The following AKAP13 variants were observed in gnomAD, a reference collection of about 807,000 sequenced individuals.
The protein encoded by AKAP13 is A-kinase anchoring protein 13.
Under a neutral mutation model 264.5 loss-of-function variants are expected in AKAP13, and 80 were observed. The ratio of observed to expected loss-of-function variants is 0.30; its 90% CI spans 0.25 to 0.36. AKAP13 has a LOEUF of 0.36. Ranked by LOEUF, AKAP13 falls within the 10% of genes least tolerant of loss-of-function variation. The pLI is 1.00. For synonymous variants in AKAP13, 1,380 were observed against 1,250.2 expected (o/e 1.10, Z -2.19); for missense variants, 3,712 against 3,435.2 (o/e 1.08, Z -2.01).
At chr15:85,537,718 T>C (rs145706221) in intron 4 of AKAP13, among the ~76,000 whole-genome samples, 2 of 152,240 alleles carry the variant, frequency 1.3e-5, no homozygotes, top group African/African-American at 4.8e-5. Context: ...TGCAAGAGTT[T>C]GTGCAAAATA....
intron 14 of AKAP13, among the ~76,000 whole-genome samples, chr15:85,680,068 T>G (rs749104293): frequency 1.2e-4 from 18 of 152,220 alleles, no homozygotes; most frequent in Non-Finnish European, 2.5e-4. Flanking sequence ...GTCTTTAATT[T>G]ATTCCACACA....
rs574564608 is a variant in AKAP13 at position 85,523,900 on chromosome 15, G to T, written c.181+2325G>T. Among the ~76,000 whole-genome samples the T allele has an allele frequency of 3.5e-4, 52 of 148,106 alleles. No individual in the cohort carries two copies. The East Asian group carries it at 9.2e-3, about 26-fold the overall frequency. On this transcript the variant is annotated intron_variant, in intron 3 of 36. Coordinates refer to ENST00000394518, the MANE Select transcript of AKAP13 (RefSeq NM_007200.5). ...TTGGAGAAGGAATACGATGATTTTTGTGTACCAGTTAGCTGCATTGATAGC... is the reference window on the plus strand; with the variant it reads ...TTGGAGAAGGAATACGATGATTTTTTTGTACCAGTTAGCTGCATTGATAGC...
chr15:85,706,829 G>T (rs964578203), intron 17 of AKAP13, among the ~76,000 whole-genome samples: 1 of 152,140 alleles, frequency 6.6e-6, no homozygotes, highest in Non-Finnish European at 1.5e-5. Flanking sequence ...GTGGTATTAA[G>T]GAGGAGACCT....
Position 85,684,608 on chromosome 15 carries a change from TA to T in AKAP13, c.5157-131del. 3.2e-6 allele frequency: 3 copies of T among 926,496 alleles called. No homozygotes were observed. In the South Asian group the frequency reaches 5.6e-5, roughly 17 times the overall value. 57.4% of individuals were successfully genotyped at this position (926,496 alleles called of 1,614,324 possible). A position where few individuals can be genotyped will look rare whatever the true frequency, so the allele number is the denominator to read the frequency against. On this transcript the variant is annotated intron_variant, in intron 15 of 36. Transcript: ENST00000394518. ...CTAAGGAAACTTAGCCAAGTTTTGA[TA>T]ACAGAACCTGGGCGTTGTGGCATAC...
intron 1 of AKAP13, among the ~76,000 whole-genome samples, chr15:85,397,359 A>G (rs1567037343): frequency 6.6e-6 from 1 of 152,218 alleles, no homozygotes. Context: ...GTGGCAGTCT[A>G]AAGATGATCA....
At chr15:85,546,325 C>CACACACACAT (rs2077741115) in intron 5 of AKAP13, among the ~76,000 whole-genome samples, 1 of 115,276 alleles carries the variant, frequency 8.7e-6, no homozygotes, top group Non-Finnish European at 1.7e-5. Context: ...TTACCAAACA[C>CACACACACAT]ACACACACAC....
At chr15:85,529,552 C>T (rs1378101628) in intron 3 of AKAP13, among the ~76,000 whole-genome samples, 5 of 152,184 alleles carry the variant, frequency 3.3e-5, no homozygotes, top group Non-Finnish European at 7.4e-5. Flanking sequence ...TGTAGGCATA[C>T]GCGGTGTAAA....
intron 1 of AKAP13, among the ~76,000 whole-genome samples, chr15:85,416,516 G>A (rs553277217): frequency 5.9e-4 from 90 of 152,238 alleles, no homozygotes; most frequent in Non-Finnish European, 9.6e-4. Context: ...TGGTAGCTAC[G>A]ATAATTTTTG....
In AKAP13 at chr15:85,486,981, A is replaced by C. The variant is rs377383569; in HGVS notation, c.33+1228A>C. Among the ~76,000 whole-genome samples the C allele has an allele frequency of 1.7e-4, 26 of 151,840 alleles. 1 individual carries two copies. Among genetic ancestry groups the C allele is most frequent in the African/African-American group, 6.3e-4 (26 of 41,422 alleles). ...TCTCGAACTCCTCACCTCGTGATCCACCCAGCTCCCAAAGTGCTGGGATTA... is the reference window on the plus strand; with the variant it reads ...TCTCGAACTCCTCACCTCGTGATCCCCCCAGCTCCCAAAGTGCTGGGATTA... On this transcript the variant is annotated intron_variant, in intron 2 of 36. Transcript: ENST00000394518.
In AKAP13 at chr15:85,580,795, T is replaced by C; in HGVS notation, c.2727T>C (p.Thr909=). ...KATLALDSVL[T]EEGKLLVVSE... ...CTTTGGCTTTAGATTCAGTTTTGACTGAAGAAGGAAAACTTCTGGTGGTTT... is the reference window on the plus strand; with the variant it reads ...CTTTGGCTTTAGATTCAGTTTTGACCGAAGAAGGAAAACTTCTGGTGGTTT... Residue 909 remains threonine (T), a synonymous_variant, in exon 7 of 37, where the codon ACT becomes ACC. Coordinates refer to ENST00000394518, the MANE Select transcript of AKAP13 (RefSeq NM_007200.5). The C allele has an allele frequency of 6.2e-7, 1 of 1,614,104 alleles. No individual in the cohort carries two copies.
intron 8 of AKAP13, among the ~76,000 whole-genome samples, chr15:85,603,529 G>A (rs2080185961): frequency 6.6e-6 from 1 of 152,206 alleles, no homozygotes; most frequent in South Asian, 2.1e-4. Flanking sequence ...GCAGATTCTT[G>A]CTCAAAGTAA....
Position 85,740,229 on chromosome 15 carries a change from T to C in AKAP13, c.7565T>C (p.Val2522Ala), listed in dbSNP as rs975495235. ...ATTTTGTTCCTTTGGCAGCAGGTTG[T>C]CCAGAGCGTTGTTCATCTCTACGAG... ...FMLKRNSEQV[V>A]QSVVHLYELL... The change falls in exon 34 of 37, where the codon GTC becomes GCC. Residue 2522 changes from valine (V) to alanine (A), a missense_variant. By Grantham distance (64) the Val-to-Ala change is moderately conservative. This residue lies in a region of AKAP13 where 611 missense variants were observed against 539.3 expected (regional missense o/e 1.13). Transcript: ENST00000394518. 1 of 1,614,230 alleles carries C rather than the reference T, an allele frequency of 6.2e-7. No individual in the cohort carries two copies. Among genetic ancestry groups the C allele is most frequent in the Non-Finnish European group, 8.5e-7 (1 of 1,180,018 alleles).
intron 1 of AKAP13, 146 bp from the exon 2 acceptor site, chr15:85,485,564 T>G: frequency 1.7e-6 from 1 of 587,610 alleles, no homozygotes; most frequent in South Asian, 2.5e-5. Context: ...AATCTCTTAG[T>G]GTATAGCATA....
chr15:85,678,060 T>G (rs2084352963), intron 14 of AKAP13, among the ~76,000 whole-genome samples: 1 of 152,210 alleles, frequency 6.6e-6, no homozygotes, highest in African/African-American at 2.4e-5. Context: ...GATAATGCCT[T>G]GTATAAAAAC....
At chr15:85,519,839 G>T (rs528964594) in intron 2 of AKAP13, among the ~76,000 whole-genome samples, 13 of 152,116 alleles carry the variant, frequency 8.5e-5, no homozygotes, top group Non-Finnish European at 1.5e-5. Flanking sequence ...CTTCTGCTCA[G>T]TTATGCTGCT....
At chr15:85,405,172 G>C (rs960296447) in intron 1 of AKAP13, among the ~76,000 whole-genome samples, 6 of 152,060 alleles carry the variant, frequency 3.9e-5, no homozygotes, top group African/African-American at 7.2e-5. Context: ...TTGGTGTCTT[G>C]TTGTTTCTAC....
intron 8 of AKAP13, among the ~76,000 whole-genome samples, chr15:85,614,383 CT>C (rs772037411): frequency 9.9e-5 from 15 of 152,102 alleles, no homozygotes; most frequent in Non-Finnish European, 2.1e-4. Context: ...ATCCAGAGAT[CT>C]TTTAGTCTGT....
chr15:85,404,245 C>T (rs2071565090), intron 1 of AKAP13, among the ~76,000 whole-genome samples: 1 of 152,170 alleles, frequency 6.6e-6, no homozygotes, highest in Admixed American at 6.5e-5. Context: ...TAGCTGTCAC[C>T]TGTTTTATGT....
chr15:85,535,108 T>C (rs2077349582), intron 4 of AKAP13: 2 of 152,316 alleles, frequency 1.3e-5, no homozygotes, highest in South Asian at 4.1e-4. Context: ...GAGTATTGAA[T>C]TATTTTGGGT....
Sources: allele counts gnomAD v4.1 joint callset (sites outside exome capture counted in the v4.1 genomes callset), GRCh38; gene constraint gnomAD v4.1.1; regional missense constraint gnomAD v4.1.1; transcripts MANE v1.5; gene names NCBI Gene and HGNC (gene_info 2026-07-23, HGNC 2026-07-21).